FAM20C: variants seen among roughly 807,000 people sequenced by gnomAD.
FAM20C encodes the protein extracellular serine/threonine protein kinase FAM20C.
In FAM20C, 40 loss-of-function variants were observed where a neutral mutation model predicts 51.5. The observed-to-expected ratio is 0.78, with a 90% confidence interval of 0.60 to 1.01. The LOEUF is 1.01. Ranked by LOEUF, FAM20C falls within the 50% of genes least tolerant of loss-of-function variation. FAM20C has a pLI of 0.00. For missense variants in FAM20C, 861 were observed against 844.7 expected (o/e 1.02, Z -0.24); for synonymous variants, 406 against 380.6 (o/e 1.07, Z -0.78).
chr7:247,078 C>T (rs929677539), intron 4 of FAM20C, among the ~76,000 whole-genome samples: 7 of 152,220 alleles, frequency 4.6e-5, no homozygotes, highest in African/African-American at 1.7e-4. Flanking sequence ...CACAGAGACT[C>T]ACAGAGCACA....
intron 5 of FAM20C, among the ~76,000 whole-genome samples, chr7:251,699 T>A (rs1422301750): frequency 6.6e-6 from 1 of 152,176 alleles, no homozygotes; most frequent in Non-Finnish European, 1.5e-5. Flanking sequence ...GTGCCGTTGC[T>A]GGAATCCCTT....
At chr7:242,261 G>C (rs923197050) in intron 3 of FAM20C, among the ~76,000 whole-genome samples, 1 of 152,218 alleles carries the variant, frequency 6.6e-6, no homozygotes. Flanking sequence ...GGCTGGCGAG[G>C]GTCAGTGGCA....
intron 3 of FAM20C, among the ~76,000 whole-genome samples, chr7:241,425 G>A (rs1260051492): frequency 1.3e-5 from 2 of 152,280 alleles, no homozygotes; most frequent in Non-Finnish European, 2.9e-5. Flanking sequence ...ATCAGACTCC[G>A]CCTTTTCAGG....
intron 3 of FAM20C, among the ~76,000 whole-genome samples, chr7:217,061 G>C (rs1562376636): frequency 6.6e-6 from 1 of 152,126 alleles, no homozygotes; most frequent in Non-Finnish European, 1.5e-5. Context: ...GCACAGCTCC[G>C]GGGCCACAGC....
At chr7:208,160 C>T (rs970511957) in intron 2 of FAM20C, among the ~76,000 whole-genome samples, 8 of 151,310 alleles carry the variant, frequency 5.3e-5, no homozygotes, top group Admixed American at 2.0e-4. Flanking sequence ...TGTGTGTGGT[C>T]GTGCAGGGGT....
chr7:207,771 G>A (rs1479953856), intron 2 of FAM20C, among the ~76,000 whole-genome samples: 1 of 152,144 alleles, frequency 6.6e-6, no homozygotes, highest in Non-Finnish European at 1.5e-5. Flanking sequence ...CTCCCATCTC[G>A]GGCGACCTGG....
intron 3 of FAM20C, among the ~76,000 whole-genome samples, chr7:243,989 C>G (rs948130973): frequency 6.6e-6 from 1 of 150,644 alleles, no homozygotes; most frequent in Non-Finnish European, 1.5e-5. Flanking sequence ...CTGTGTCATC[C>G]AGGCTGGATT....
chr7:249,356 G>T (rs557568757), intron 5 of FAM20C, among the ~76,000 whole-genome samples: 1 of 152,248 alleles, frequency 6.6e-6, no homozygotes, highest in African/African-American at 2.4e-5. Context: ...TGGTGCTGAG[G>T]TTTATAAAAC....
chr7:246,211 C>G (rs1056758295), intron 3 of FAM20C: 10 of 544,482 alleles, frequency 1.8e-5, no homozygotes, highest in Non-Finnish European at 3.3e-5. Flanking sequence ...GCTGGGACCC[C>G]CGGCCTCCGT....
At chr7:211,186 T>C (rs1464879732) in intron 3 of FAM20C, among the ~76,000 whole-genome samples, 2 of 71,060 alleles carry the variant, frequency 2.8e-5, no homozygotes, top group Non-Finnish European at 5.8e-5. Flanking sequence ...TCCCCCAACC[T>C]CCCTCAGCCT....
Position 193,536 on chromosome 7 carries a change from G to T in FAM20C, c.337G>T (p.Ala113Ser). 6.7e-7 allele frequency: 1 copy of T among 1,495,192 alleles called. No individual in the cohort carries two copies. The highest frequency in any genetic ancestry group is 8.9e-7 in the Non-Finnish European group (1 of 1,119,008). The allele number at this position is 1,495,192 out of a possible 1,614,324, so 92.6% of individuals were successfully genotyped here. A position where few individuals can be genotyped will look rare whatever the true frequency, so the allele number is the denominator to read the frequency against. Reference protein sequence around the residue: ...SSHSLEKLPPAAEPAERALRG... With the variant: ...SSHSLEKLPPSAEPAERALRG... The stretch of plus-strand genomic sequence containing the variant: ...CCACTCGCTGGAGAAACTGCCGCCC[G>T]CGGCCGAGCCGGCCGAGCGCGCCTT... Residue 113 changes from alanine (A) to serine (S), a missense_variant, in exon 1 of 10, where the codon GCG becomes TCG. Ala to Ser is a moderately conservative substitution (Grantham distance 99, BLOSUM62 1). Around this residue, in one of 3 missense-constraint regions of FAM20C, gnomAD observed 561 missense variants for 499.8 expected, o/e 1.12. Coordinates refer to ENST00000313766, the MANE Select transcript of FAM20C (RefSeq NM_020223.4).
chr7:236,232 T>G (rs1457438255), intron 3 of FAM20C, among the ~76,000 whole-genome samples: 1 of 117,212 alleles, frequency 8.5e-6, no homozygotes, highest in Non-Finnish European at 1.7e-5. Context: ...GCCGAGCGGC[T>G]CCTGGCCGAG....
At chr7:256,440 G>A in intron 6 of FAM20C, 2 of 590,870 alleles carry the variant, frequency 3.4e-6, no homozygotes, top group African/African-American at 1.9e-5. Flanking sequence ...GGTGAAGGCA[G>A]CTCCAGGTGG....
At position 208,923 on chromosome 7, in the gene FAM20C, G is replaced by A. The variant is rs757911391; in HGVS notation, c.810G>A (p.Leu270=). Residue 270 remains leucine (L), a synonymous_variant, in exon 3 of 10, where the codon CTG becomes CTA. Coordinates refer to ENST00000313766, the MANE Select transcript of FAM20C (RefSeq NM_020223.4). ...CCATGAAGTCGGGGGGCACGCAGCT[G>A]AAGCTCATCATGACCTTCCAGAATT... ...SVAMKSGGTQ[L]KLIMTFQNYG... is the part of the protein sequence containing the mutation. 4 of 1,582,342 alleles carry A rather than the reference G, an allele frequency of 2.5e-6. No individual in the cohort carries two copies. Among genetic ancestry groups the A allele is most frequent in the South Asian group, 2.3e-5 (2 of 86,114 alleles).
intron 5 of FAM20C, among the ~76,000 whole-genome samples, chr7:252,486 C>T (rs907368446): frequency 2.6e-5 from 4 of 151,654 alleles, no homozygotes; most frequent in Admixed American, 2.6e-4. Context: ...CCTCGGCCTC[C>T]CAACCACGGA....
rs879052510 is a variant in FAM20C at position 241,534 on chromosome 7, C to T, written c.864-4881C>T. On this transcript the variant is annotated intron_variant, in intron 3 of 9. Coordinates refer to ENST00000313766, the MANE Select transcript of FAM20C (RefSeq NM_020223.4). ...AGTCCCCTTCTCACCAAGAGGCCTCCGACAGCACTGTTCTGTGGGGGTTGT... is the reference window on the plus strand; with the variant it reads ...AGTCCCCTTCTCACCAAGAGGCCTCTGACAGCACTGTTCTGTGGGGGTTGT... Among the ~76,000 whole-genome samples, 1,337 of 151,748 alleles carry T rather than the reference C, an allele frequency of 8.8e-3. 23 individuals are homozygous for T. The highest frequency in any genetic ancestry group is 0.031 in the African/African-American group (1,269 of 41,166).
At chr7:258,947 C>T (rs1030014826) in intron 9 of FAM20C, among the ~76,000 whole-genome samples, 12 of 152,210 alleles carry the variant, frequency 7.9e-5, no homozygotes, top group African/African-American at 2.7e-4. Flanking sequence ...ACTCTGTGTC[C>T]GTCCTGCCAC....
At chr7:202,178 C>T (rs1006290080) in intron 2 of FAM20C, among the ~76,000 whole-genome samples, 1 of 152,224 alleles carries the variant, frequency 6.6e-6, no homozygotes, top group Non-Finnish European at 1.5e-5. Flanking sequence ...GGACATCTTC[C>T]CATGTGCATA....
intron 5 of FAM20C, among the ~76,000 whole-genome samples, chr7:252,775 A>T (rs140554377): frequency 6.6e-6 from 1 of 152,208 alleles, no homozygotes; most frequent in African/African-American, 2.4e-5. Context: ...AGAGAGGGCA[A>T]TTAGGACCCC....
Sources: gnomAD v4.1 joint callset for allele counts (sites outside exome capture counted in the v4.1 genomes callset) on GRCh38, gnomAD v4.1.1 for gene constraint, gnomAD v4.1.1 regional missense constraint, MANE v1.5 for transcripts, NCBI Gene and HGNC (gene_info 2026-07-23, HGNC 2026-07-21) for gene names.